The following DTHD1 variants were observed in gnomAD, a reference collection of about 807,000 sequenced individuals.
DTHD1 encodes the protein death domain-containing protein 1.
DTHD1 carries 59 observed loss-of-function variants against 74.8 expected under a neutral mutation model. The observed-to-expected ratio is 0.79, with a 90% CI of 0.64 to 0.98. DTHD1 has a LOEUF of 0.98. DTHD1 is among the 50% of genes least tolerant of loss of function. The pLI is 0.00. For missense variants in DTHD1, 1,051 were observed against 1,065.4 expected (o/e 0.99, Z 0.19); for synonymous variants, 365 against 371.1 (o/e 0.98, Z 0.19).
chr4:36,316,335 T>C lies in DTHD1; in HGVS notation c.2189T>C (p.Phe730Ser). 6.4e-7 allele frequency: 1 copy of C among 1,552,126 alleles called. No homozygotes were observed. The highest frequency in any genetic ancestry group is 1.2e-5 in the South Asian group (1 of 84,058). ...LELQIKEVDE[F>S]GNYSCPHYKG... is the part of the protein sequence containing the mutation. ...CTCCAAATCAAAGAAGTGGACGAAT[T>C]TGGAAACTATAGTTGCCCTCATTAC... The change falls in exon 8 of 10, where the codon TTT becomes TCT. Residue 730 changes from phenylalanine (F) to serine (S), a missense_variant. Coordinates refer to ENST00000639862, the MANE Select transcript of DTHD1 (RefSeq NM_001170700.3).
In DTHD1 at chr4:36,346,681, G is replaced by A. The variant is rs1759604706; in HGVS notation, c.*2857G>A. On this transcript the variant is annotated 3_prime_UTR_variant, in exon 10 of 10. Coordinates refer to ENST00000639862, the MANE Select transcript of DTHD1 (RefSeq NM_001170700.3). ...GTATGGACCACATCAGAGATGCCTT[G>A]TTCGCTTTTGCTAATGCAAAGCCCC... Among the ~76,000 whole-genome samples the A allele has an allele frequency of 6.6e-6, 1 of 151,894 alleles. No homozygotes were observed. Among genetic ancestry groups the A allele is most frequent in the African/African-American group, 2.4e-5 (1 of 41,352 alleles).
chr4:36,293,002 G>A (rs2109459785), intron 3 of DTHD1, among the ~76,000 whole-genome samples: 1 of 152,344 alleles, frequency 6.6e-6, no homozygotes, highest in Middle Eastern at 3.4e-3. Flanking sequence ...GCACAGAGGA[G>A]AGGCAAAGAG....
rs776907919 is a variant in DTHD1, at chr4:36,343,692, C to G, written c.2589C>G (p.Thr863=). 6.4e-7 allele frequency: 1 copy of G among 1,551,672 alleles called. No individual in the cohort carries two copies. The highest frequency in any genetic ancestry group is 2.0e-5 in the Admixed American group (1 of 50,998). ...CFWKKSLPTF[T]DKLRLLARHL... ...GGAAAAAATCGCTTCCAACTTTCAC[C>G]GACAAACTTCGCCTCCTGGCTCGAC... is the stretch of plus-strand genomic sequence containing the variant. Residue 863 remains threonine (T), a synonymous_variant, in exon 10 of 10, where the codon ACC becomes ACG. Transcript: ENST00000639862.
chr4:36,310,714 C>T (rs148917571), intron 7 of DTHD1, among the ~76,000 whole-genome samples: 51 of 152,270 alleles, frequency 3.3e-4, no homozygotes, highest in Non-Finnish European at 4.3e-4. Flanking sequence ...GCTGCCCTCC[C>T]AGCTTTTTTG....
intron 1 of DTHD1, among the ~76,000 whole-genome samples, chr4:36,283,572 T>G (rs371902918): frequency 6.6e-6 from 1 of 152,234 alleles, no homozygotes; most frequent in African/African-American, 2.4e-5. Context: ...CCCAGCATTT[T>G]AAATGGATCA....
intron 2 of DTHD1, among the ~76,000 whole-genome samples, chr4:36,284,975 A>G (rs1047466165): frequency 2.0e-5 from 3 of 152,164 alleles, no homozygotes; most frequent in African/African-American, 7.2e-5. Context: ...GGGGGTCAGG[A>G]TTTCAATGCA....
At chr4:36,308,599 C>A in intron 7 of DTHD1, 106 bp downstream of exon 7, 1 of 904,752 alleles carries the variant, frequency 1.1e-6, no homozygotes, top group Non-Finnish European at 1.6e-6. Flanking sequence ...AGAGGATTGA[C>A]GAGAGACTTT....
intron 2 of DTHD1, among the ~76,000 whole-genome samples, chr4:36,289,963 A>G (rs1197565246): frequency 6.6e-6 from 1 of 152,078 alleles, no homozygotes; most frequent in Non-Finnish European, 1.5e-5. Flanking sequence ...TCTCCTCACA[A>G]TTGAGGAAAT....
chr4:36,305,258 A>C (rs1165358886), intron 5 of DTHD1, among the ~76,000 whole-genome samples: 1 of 152,212 alleles, frequency 6.6e-6, no homozygotes, highest in Non-Finnish European at 1.5e-5. Flanking sequence ...CCACTGATAA[A>C]GACATACCCA....
intron 5 of DTHD1, among the ~76,000 whole-genome samples, chr4:36,302,182 G>A (rs189679873): frequency 1.8e-4 from 28 of 152,264 alleles, no homozygotes; most frequent in African/African-American, 6.3e-4. Flanking sequence ...GCACATGTAG[G>A]TAAATACACC....
Position 36,343,870 on chromosome 4 carries a change from G to C in DTHD1, c.*46G>C, listed in dbSNP as rs970441618. ...TACCCCTAGGAAAAGGCACACGGTG[G>C]GTTTTTGTTTCTGTCAACATTTTCC... On this transcript the variant is annotated 3_prime_UTR_variant, in exon 10 of 10. Transcript: ENST00000639862. 2 of 1,464,852 alleles carry C rather than the reference G, an allele frequency of 1.4e-6. No homozygotes were observed. Among genetic ancestry groups the C allele is most frequent in the Middle Eastern group, 1.8e-4 (1 of 5,652 alleles). The allele number at this position is 1,464,852 out of a possible 1,614,324, so 90.7% of individuals were successfully genotyped here.
chr4:36,311,055 A>G (rs1307994949), intron 7 of DTHD1: 1 of 152,272 alleles, frequency 6.6e-6, no homozygotes, highest in Non-Finnish European at 1.5e-5. Context: ...TTTACCAACC[A>G]CCCTAAATAG....
At chr4:36,297,389 C>T (rs763916522) in intron 5 of DTHD1, among the ~76,000 whole-genome samples, 15 of 152,126 alleles carry the variant, frequency 9.9e-5, no homozygotes, top group Non-Finnish European at 2.2e-4. Flanking sequence ...ACAGCGTAAT[C>T]TTGCAGAATT....
chr4:36,303,339 T>A (rs1404993615), intron 5 of DTHD1, among the ~76,000 whole-genome samples: 2 of 152,246 alleles, frequency 1.3e-5, no homozygotes, highest in Non-Finnish European at 2.9e-5. Flanking sequence ...TATTAAAGTT[T>A]AAGTTTAATC....
Position 36,347,496 on chromosome 4 carries a change from T to C in DTHD1, c.*3672T>C, listed in dbSNP as rs1348383659. Among the ~76,000 whole-genome samples the C allele has an allele frequency of 6.6e-6, 1 of 152,156 alleles. No homozygotes were observed. The highest frequency in any genetic ancestry group is 1.5e-5 in the Non-Finnish European group (1 of 68,022). On this transcript the variant is annotated 3_prime_UTR_variant, in exon 10 of 10. Coordinates refer to ENST00000639862, the MANE Select transcript of DTHD1 (RefSeq NM_001170700.3). ...TCTATATTCAGGACCATTTAGCAAT[T>C]AAACTTTGAACATCATTATTCATGT...
At chr4:36,313,805 G>A (rs533167543) in intron 7 of DTHD1, among the ~76,000 whole-genome samples, 142 of 152,304 alleles carry the variant, frequency 9.3e-4, no homozygotes, top group African/African-American at 3.2e-3. Flanking sequence ...AGAGTATAAT[G>A]TCTTTCAAGG....
At chr4:36,286,297 G>A (rs1455558630) in intron 2 of DTHD1, among the ~76,000 whole-genome samples, 1 of 152,174 alleles carries the variant, frequency 6.6e-6, no homozygotes, top group African/African-American at 2.4e-5. Context: ...ATGAGTCATT[G>A]CCTGAACTAC....
chr4:36,320,149 A>C (rs894118078), intron 8 of DTHD1, among the ~76,000 whole-genome samples: 1 of 152,114 alleles, frequency 6.6e-6, no homozygotes, highest in Non-Finnish European at 1.5e-5. Context: ...CTCCTTGTGA[A>C]ATTTTATTAC....
Position 36,310,572 on chromosome 4 carries a change from T to G in DTHD1, c.2095+2079T>G, listed in dbSNP as rs574749755. On this transcript the variant is annotated intron_variant, in intron 7 of 9. Coordinates refer to ENST00000639862, the MANE Select transcript of DTHD1 (RefSeq NM_001170700.3). ...ACATACTTTACTTGAGGGGATGTGC[T>G]CCGTTTACTTATAAATTAATATGGA... Among the ~76,000 whole-genome samples the G allele has an allele frequency of 9.1e-3, 1,391 of 152,278 alleles. 6 individuals are homozygous for G. The highest frequency in any genetic ancestry group is 0.016 in the Non-Finnish European group (1,062 of 68,018).
Sources: allele counts gnomAD v4.1 joint callset (sites outside exome capture counted in the v4.1 genomes callset), GRCh38; gene constraint gnomAD v4.1.1; transcripts MANE v1.5; gene names NCBI Gene and HGNC (gene_info 2026-07-23, HGNC 2026-07-21).